TTLL1: variants seen among roughly 807,000 people sequenced by gnomAD.
TTLL1 encodes the protein polyglutamylase complex subunit TTLL1.
A neutral mutation model predicts 47.8 loss-of-function variants in TTLL1; 33 were observed. That is an observed-to-expected ratio of 0.69 (90% CI 0.52 to 0.92). TTLL1 has a LOEUF of 0.92. Ranked by LOEUF, TTLL1 falls within the 40% of genes least tolerant of loss-of-function variation. The probability of loss-of-function intolerance (pLI) is 0.00; values close to 1 mark genes in which losing one functional copy is unlikely to be tolerated. For synonymous variants in TTLL1, 225 were observed against 214.1 expected, an observed-to-expected ratio of 1.05 and a Z score of -0.45; for missense variants, 488 against 547.5, an observed-to-expected ratio of 0.89 and a Z score of 1.08.
At position 43,064,271 on chromosome 22, in the gene TTLL1, T is replaced by C; in HGVS notation, c.557A>G (p.Asn186Ser). The change falls in exon 6 of 11, where the codon AAC (asparagine) becomes AGC (serine). Residue 186 changes from asparagine (N) to serine (S), a missense_variant. Coordinates refer to ENST00000266254, the MANE Select transcript of TTLL1 (RefSeq NM_012263.5). The stretch of plus-strand genomic sequence containing the variant: ...CTTCCTCCCGCCAATTAGTAACGGG[T>C]TGTTAATATAGAGAGAGATCACGTA... ...EAYVISLYIN[N>S]PLLIGGRKFD... The C allele has an allele frequency of 2.5e-6, 4 of 1,613,962 alleles. No homozygotes were observed. Among genetic ancestry groups the C allele is most frequent in the Non-Finnish European group, 3.4e-6 (4 of 1,179,968 alleles).
intron 10 of TTLL1, among the ~76,000 whole-genome samples, chr22:43,041,029 C>G (rs1925634659): frequency 6.6e-6 from 1 of 152,188 alleles, no homozygotes; most frequent in Admixed American, 6.5e-5. Context: ...GGCCGCCCCC[C>G]TCCACGGTGA....
intron 3 of TTLL1, among the ~76,000 whole-genome samples, chr22:43,074,427 CAAAAAAA>C (rs61701643): frequency 8.2e-5 from 7 of 85,742 alleles, no homozygotes; most frequent in Non-Finnish European, 1.9e-4. Context: ...AATTTCGTCT[CAAAAAAA>C]AAAAAAAAAA....
chr22:43,049,509 G>A (rs1188995082), intron 9 of TTLL1, among the ~76,000 whole-genome samples: 1 of 150,380 alleles, frequency 6.6e-6, no homozygotes, highest in South Asian at 2.1e-4. Flanking sequence ...GGCAACAAGA[G>A]TGAAACTCAG....
chr22:43,051,138 T>C (rs1926588608), intron 9 of TTLL1, among the ~76,000 whole-genome samples: 1 of 151,862 alleles, frequency 6.6e-6, no homozygotes, highest in Non-Finnish European at 1.5e-5. Flanking sequence ...AGAGCCGGAG[T>C]TCTTTTGTCC....
chr22:43,051,528 A>T (rs1380432050), intron 9 of TTLL1, among the ~76,000 whole-genome samples: 1 of 151,968 alleles, frequency 6.6e-6, no homozygotes, highest in Non-Finnish European at 1.5e-5. Context: ...GGGAGGATGA[A>T]CTAGCCCAGA....
chr22:43,073,417 T>C (rs892238997), intron 3 of TTLL1, among the ~76,000 whole-genome samples: 1 of 151,446 alleles, frequency 6.6e-6, no homozygotes, highest in African/African-American at 2.4e-5. Flanking sequence ...AGTGCAGTGG[T>C]GTGATTTCAG....
intron 7 of TTLL1, 132 bp from the exon 8 acceptor site, chr22:43,059,659 A>G (rs5759126): frequency 0.61 from 702,670 of 1,159,398 alleles, 219,994 homozygotes; most frequent in African/African-American, 0.93. Flanking sequence ...GCAAACATCC[A>G]GACCCCTGCC....
intron 8 of TTLL1, among the ~76,000 whole-genome samples, chr22:43,055,942 G>A (rs1364059667): frequency 2.0e-5 from 3 of 150,764 alleles, no homozygotes; most frequent in Admixed American, 6.6e-5. Context: ...AGGAGGTCTC[G>A]CTATATTGCC....
At chr22:43,074,363 G>T (rs1160406483) in intron 3 of TTLL1, among the ~76,000 whole-genome samples, 1 of 148,744 alleles carries the variant, frequency 6.7e-6, no homozygotes, top group African/African-American at 2.5e-5. Flanking sequence ...GGAGGTGGAG[G>T]TTGCAATGAG....
At chr22:43,083,904 A>C (rs747570286) in intron 1 of TTLL1, among the ~76,000 whole-genome samples, 1 of 152,186 alleles carries the variant, frequency 6.6e-6, no homozygotes, top group Non-Finnish European at 1.5e-5. Context: ...TGTGTCAGCT[A>C]CAAGTGTCTT....
At chr22:43,042,413 C>A (rs1220904406) in intron 10 of TTLL1, among the ~76,000 whole-genome samples, 1 of 152,228 alleles carries the variant, frequency 6.6e-6, no homozygotes, top group African/African-American at 2.4e-5. Flanking sequence ...AGTTCCTGTT[C>A]TAGCAGGCTT....
Position 43,059,318 on chromosome 22 carries a change from G to A in TTLL1, c.891+66C>T, listed in dbSNP as rs1927239259. 7 of 1,547,738 alleles carry A rather than the reference G, an allele frequency of 4.5e-6. No homozygotes were observed. The Admixed American group carries it at 1.4e-4, about 30-fold the overall frequency. ...TGAAAACAGGGATTTTTAACAGAAAGACAGCAAGCCCCCCCACTCCCAAAC... is the reference window on the plus strand; with the variant it reads ...TGAAAACAGGGATTTTTAACAGAAAAACAGCAAGCCCCCCCACTCCCAAAC... On this transcript the variant is annotated intron_variant, in intron 8 of 10. Transcript: ENST00000266254.
At chr22:43,088,345 T>C (rs1326585706) in intron 1 of TTLL1, among the ~76,000 whole-genome samples, 1 of 124,146 alleles carries the variant, frequency 8.1e-6, no homozygotes, top group African/African-American at 3.2e-5. Context: ...TTTTTTTTTT[T>C]TTTTTTTTTG....
chr22:43,082,740 G>A (rs890763392), intron 1 of TTLL1, among the ~76,000 whole-genome samples: 2 of 150,310 alleles, frequency 1.3e-5, no homozygotes, highest in Non-Finnish European at 3.0e-5. Context: ...CAGGCTGCGC[G>A]CGGTGGCTCA....
chr22:43,079,086 C>T (rs1374233260), intron 2 of TTLL1, among the ~76,000 whole-genome samples: 3 of 118,884 alleles, frequency 2.5e-5, no homozygotes, highest in Non-Finnish European at 3.5e-5. Flanking sequence ...CACCCCAGAG[C>T]GTGAGTCCAT....
At chr22:43,063,584 C>A (rs1927529810) in intron 7 of TTLL1, among the ~76,000 whole-genome samples, 1 of 151,952 alleles carries the variant, frequency 6.6e-6, no homozygotes, top group African/African-American at 2.4e-5. Context: ...CCTGCCTCAG[C>A]CTCCCGAGTA....
intron 7 of TTLL1, among the ~76,000 whole-genome samples, chr22:43,061,564 C>T (rs1245121427): frequency 6.6e-6 from 1 of 152,240 alleles, no homozygotes; most frequent in Non-Finnish European, 1.5e-5. Flanking sequence ...TTCAAGGCTT[C>T]CATCCAAAGA....
At chr22:43,080,571 A>C (rs1928809174) in intron 1 of TTLL1, among the ~76,000 whole-genome samples, 1 of 152,002 alleles carries the variant, frequency 6.6e-6, no homozygotes. Flanking sequence ...AGCTGAGCTC[A>C]GCCCCTTCCC....
rs1169989591 is a variant in TTLL1, at chr22:43,069,847, GAA to G, written c.114-5_114-4del. ...TTCGGATGGTTTGCACACTCATCCT[GAA>G]AGAGATGAGCAGGAGAGACACTTGG... On this transcript the variant is annotated splice_region_variant and splice_polypyrimidine_tract_variant and intron_variant, in intron 3 of 10. Transcript: ENST00000266254. The G allele has an allele frequency of 1.2e-6, 2 of 1,613,990 alleles. No individual in the cohort carries two copies. The highest frequency in any genetic ancestry group is 4.5e-5 in the East Asian group (2 of 44,888).
Sources: gnomAD v4.1 joint callset for allele counts (sites outside exome capture counted in the v4.1 genomes callset) on GRCh38, gnomAD v4.1.1 for gene constraint, MANE v1.5 for transcripts, NCBI Gene and HGNC (gene_info 2026-07-23, HGNC 2026-07-21) for gene names.